GNB1L: variants seen among roughly 807,000 people sequenced by gnomAD.
GNB1L encodes guanine nucleotide-binding protein subunit beta-like protein 1.
In GNB1L, 20 loss-of-function variants were observed where a neutral mutation model predicts 29.1. The observed-to-expected ratio is 0.69, with a 90% CI of 0.48 to 1.00. The LOEUF is 1.00. Among genes scored for constraint, GNB1L ranks in the 50% least tolerant of loss-of-function variants. The probability of loss-of-function intolerance (pLI) is 0.00; values close to 1 mark genes in which losing one functional copy is unlikely to be tolerated. For missense variants in GNB1L, 421 were observed against 464.9 expected (o/e 0.91, Z 0.87); for synonymous variants, 193 against 206.5 (o/e 0.93, Z 0.56).
chr22:19,850,745 G>C, intron 2 of GNB1L: 4 of 1,240,816 alleles, frequency 3.2e-6, no homozygotes, highest in Non-Finnish European at 4.0e-6. Flanking sequence ...ATACAGGAAC[G>C]AGGTCCCAAC....
At position 19,802,032 on chromosome 22, in the gene GNB1L, A is replaced by C; in HGVS notation, c.701T>G (p.Val234Gly). ...ISGSAGKALA[V>G]WSLDWQQALQ... ...GGCCTGCTGCCAGTCCAGGCTCCAGACAGCCAGCGCCTTCCCCGCGGAGCC... is the reference window on the plus strand; with the variant it reads ...GGCCTGCTGCCAGTCCAGGCTCCAGCCAGCCAGCGCCTTCCCCGCGGAGCC... The change falls in exon 7 of 8, where the codon GTC becomes GGC. Residue 234 changes from valine to glycine, a missense_variant. Val to Gly is a moderately radical substitution (Grantham distance 109). Transcript: ENST00000329517. 6.2e-7 allele frequency: 1 copy of C among 1,603,140 alleles called. No homozygotes were observed.
At position 19,845,561 on chromosome 22, in the gene GNB1L, C is replaced by T. The variant is rs557995861; in HGVS notation, c.-21+8882G>A. Among the ~76,000 whole-genome samples, 4 of 152,360 alleles carry T rather than the reference C, an allele frequency of 2.6e-5. No homozygotes were observed. The East Asian group carries it at 7.7e-4, about 29-fold the overall frequency. On this transcript the variant is annotated intron_variant, in intron 2 of 7. Transcript: ENST00000329517. ...ATGAGCACCCATCATCCACAGGCCC[C>T]AGCCCTGTGCTGGGGGTGGTTCCTG...
At chr22:19,843,245 T>C (rs1380834500) in intron 2 of GNB1L, among the ~76,000 whole-genome samples, 2 of 152,242 alleles carry the variant, frequency 1.3e-5, no homozygotes, top group African/African-American at 4.8e-5. Context: ...GGTTATTAAA[T>C]CAGAAATAGT....
At chr22:19,837,458 T>A (rs1278693948) in intron 2 of GNB1L, among the ~76,000 whole-genome samples, 2 of 152,190 alleles carry the variant, frequency 1.3e-5, no homozygotes, top group African/African-American at 4.8e-5. Flanking sequence ...AAAGAAGATA[T>A]GCAAATGGCA....
At chr22:19,793,608 A>G (rs939267556) in intron 7 of GNB1L, among the ~76,000 whole-genome samples, 2 of 152,238 alleles carry the variant, frequency 1.3e-5, no homozygotes, top group Non-Finnish European at 2.9e-5. Context: ...AGAAAAATCT[A>G]TCTAGGCACA....
chr22:19,851,792 T>A, intron 2 of GNB1L: 1 of 1,613,732 alleles, frequency 6.2e-7, no homozygotes, highest in Non-Finnish European at 8.5e-7. Flanking sequence ...CCCATCAAGG[T>A]AGGGGGCTGC....
chr22:19,806,796 A>G lies in GNB1L; in HGVS notation c.418-39T>C, dbSNP rs750210769. The G allele has an allele frequency of 2.9e-6, 4 of 1,392,718 alleles. No individual in the cohort carries two copies. In the Admixed American group the frequency reaches 6.8e-5, roughly 24 times the overall value. The allele number at this position is 1,392,718 out of a possible 1,614,324, so 86.3% of individuals were successfully genotyped here. ...AACAAGTTGATTTGGGCCGTCGCCA[A>G]GTCGAGTCTGCGCTATACAAACAAG... is the stretch of plus-strand genomic sequence containing the variant. On this transcript the variant is annotated intron_variant, in intron 5 of 7. Transcript: ENST00000329517.
intron 2 of GNB1L, among the ~76,000 whole-genome samples, chr22:19,837,213 G>A (rs556148778): frequency 2.9e-3 from 437 of 151,602 alleles, no homozygotes; most frequent in African/African-American, 8.7e-3. Flanking sequence ...TGATCCACCC[G>A]CCTCGGCCTC....
intron 2 of GNB1L, among the ~76,000 whole-genome samples, chr22:19,821,608 T>C (rs1293913454): frequency 6.6e-6 from 1 of 152,172 alleles, no homozygotes; most frequent in Non-Finnish European, 1.5e-5. Context: ...GAGCTCACCC[T>C]TCCCCCACTG....
At chr22:19,847,642 C>G (rs1937991366) in intron 2 of GNB1L, 1 of 952,512 alleles carries the variant, frequency 1.0e-6, no homozygotes, top group Admixed American at 6.2e-5. Flanking sequence ...CTGGCAAGAG[C>G]CTTCATGCAC....
At chr22:19,798,931 T>G (rs1050308032) in intron 7 of GNB1L, among the ~76,000 whole-genome samples, 1 of 152,140 alleles carries the variant, frequency 6.6e-6, no homozygotes, top group Non-Finnish European at 1.5e-5. Flanking sequence ...GATGGAAACA[T>G]GTCCACGCCC....
At chr22:19,806,562 C>G (rs934369915) in intron 6 of GNB1L, 97 bp downstream of exon 6, 4 of 751,266 alleles carry the variant, frequency 5.3e-6, no homozygotes, top group Non-Finnish European at 8.9e-6. Context: ...TGGGGTGTTG[C>G]CTGAGTGGCT....
At position 19,787,148 on chromosome 22, in the gene GNB1L, G is replaced by C. The variant is rs1465453961; in HGVS notation, c.*1561C>G. ...CCAGCAACCATGTTCCTCACAGTGG[G>C]GTTGGGGAGGCACGGCCTTGGGACC... On this transcript the variant is annotated 3_prime_UTR_variant, in exon 8 of 8. Coordinates refer to ENST00000329517, the MANE Select transcript of GNB1L (RefSeq NM_053004.3). The C allele has an allele frequency of 6.6e-6, 1 of 152,394 alleles. No individual in the cohort carries two copies. The highest frequency in any genetic ancestry group is 2.4e-5 in the African/African-American group (1 of 41,450). The allele number at this position is 152,394 out of a possible 1,614,324, so 9.4% of individuals were successfully genotyped here. A position where few individuals can be genotyped will look rare whatever the true frequency, so the allele number is the denominator to read the frequency against.
chr22:19,805,744 T>C (rs907459376), intron 6 of GNB1L, among the ~76,000 whole-genome samples: 16 of 151,046 alleles, frequency 1.1e-4, no homozygotes, highest in Non-Finnish European at 1.9e-4. Context: ...ATCGCGCCAC[T>C]GCACTCCAGC....
rs549934125 is a variant in GNB1L at position 19,792,897 on chromosome 22, G to A, written c.733-3937C>T. ...AGTCCACAGGAAGACCTGCACCACTGTCACCTTCACATAGGTGAACTCGGA... is the reference window on the plus strand; with the variant it reads ...AGTCCACAGGAAGACCTGCACCACTATCACCTTCACATAGGTGAACTCGGA... On this transcript the variant is annotated intron_variant, in intron 7 of 7. Transcript: ENST00000329517. 1.2e-5 allele frequency: 14 copies of A among 1,160,974 alleles called. No homozygotes were observed. The African/African-American group carries it at 1.8e-4, about 15-fold the overall frequency. 71.9% of individuals were successfully genotyped at this position (1,160,974 alleles called of 1,614,324 possible). A position where few individuals can be genotyped will look rare whatever the true frequency, so the allele number is the denominator to read the frequency against.
chr22:19,805,713 C>T (rs1392571702), intron 6 of GNB1L, among the ~76,000 whole-genome samples: 1 of 151,972 alleles, frequency 6.6e-6, no homozygotes. Flanking sequence ...ACCCAGGAAG[C>T]GGAGCTTGCA....
chr22:19,819,836 G>A (rs958335468), intron 4 of GNB1L, among the ~76,000 whole-genome samples: 1 of 152,142 alleles, frequency 6.6e-6, no homozygotes, highest in Non-Finnish European at 1.5e-5. Flanking sequence ...GGGACCAGGT[G>A]GGGAGATGGC....
intron 7 of GNB1L, among the ~76,000 whole-genome samples, chr22:19,796,271 G>T (rs1272112778): frequency 1.3e-5 from 2 of 152,136 alleles, no homozygotes; most frequent in African/African-American, 4.8e-5. Flanking sequence ...ATACAGACAG[G>T]CCCCCAGCAA....
chr22:19,806,737 G>A lies in GNB1L; in HGVS notation c.438C>T (p.Pro146=). 1 of 1,613,090 alleles carries A rather than the reference G, an allele frequency of 6.2e-7. No homozygotes were observed. Among genetic ancestry groups the A allele is most frequent in the East Asian group, 2.2e-5 (1 of 44,882 alleles). ...GSDEVQILEM[P]SKTSVCALKP... Reference sequence around the variant, plus strand: ...TCAGGGCGCACACTGACGTCTTGGAGGGCATCTCCAGAATCTGAACCTGAC... The same window carrying A: ...TCAGGGCGCACACTGACGTCTTGGAAGGCATCTCCAGAATCTGAACCTGAC... Residue 146 remains proline, a synonymous_variant, in exon 6 of 8, where the codon CCC becomes CCT. Transcript: ENST00000329517.
Sources: gnomAD v4.1 joint callset for allele counts (sites outside exome capture counted in the v4.1 genomes callset) on GRCh38, gnomAD v4.1.1 for gene constraint, MANE v1.5 for transcripts, NCBI Gene and HGNC (gene_info 2026-07-23, HGNC 2026-07-21) for gene names.